TCF4: variants seen among roughly 807,000 people sequenced by gnomAD.
The protein encoded by TCF4 is transcription factor 4.
Under a neutral mutation model 82.1 loss-of-function variants are expected in TCF4, and 3 were observed. That is an observed-to-expected ratio of 0.04 (90% CI 0.02 to 0.09). The LOEUF (loss-of-function observed/expected upper bound fraction) is 0.09, where lower values mean the gene tolerates loss of function less well. Among genes scored for constraint, TCF4 ranks in the 10% least tolerant of loss-of-function variants. The probability of loss-of-function intolerance (pLI) is 1.00; values close to 1 mark genes in which losing one functional copy is unlikely to be tolerated. For missense variants in TCF4, 518 were observed against 852.7 expected (o/e 0.61, Z 4.89); for synonymous variants, 276 against 309.6 (o/e 0.89, Z 1.14).
intron 3 of TCF4, among the ~76,000 whole-genome samples, chr18:55,498,746 G>A (rs923869520): frequency 3.3e-5 from 5 of 152,178 alleles, no homozygotes; most frequent in Admixed American, 6.5e-5. Flanking sequence ...TGTTGTAAGA[G>A]TGTCTTTGCT....
intron 8 of TCF4, among the ~76,000 whole-genome samples, chr18:55,300,615 AG>A (rs2067948979): frequency 6.6e-6 from 1 of 152,162 alleles, no homozygotes; most frequent in Non-Finnish European, 1.5e-5. Flanking sequence ...TCTTTCTCAC[AG>A]GACAAACATG....
intron 3 of TCF4, among the ~76,000 whole-genome samples, chr18:55,578,662 G>T (rs145300021): frequency 1.2e-3 from 176 of 152,132 alleles, no homozygotes; most frequent in African/African-American, 4.2e-3. Context: ...ATTTTTAGAG[G>T]CAATGTCAGC....
chr18:55,345,778 G>A (rs2081055663), intron 8 of TCF4, among the ~76,000 whole-genome samples: 1 of 151,974 alleles, frequency 6.6e-6, no homozygotes, highest in East Asian at 1.9e-4. Context: ...ACTTGTGATC[G>A]ATATCATATT....
At chr18:55,588,532 G>A (rs2097674736), upstream of TCF4, 9 of 1,532,266 alleles carry the variant, frequency 5.9e-6, no homozygotes, top group Non-Finnish European at 7.0e-6. Context: ...TTTGCCCGTT[G>A]CATCCCTCGG....
intron 2 of TCF4, among the ~76,000 whole-genome samples, chr18:55,611,810 C>A (rs1420946050): frequency 2.0e-5 from 3 of 151,764 alleles, no homozygotes; most frequent in Admixed American, 6.6e-5. Context: ...GCTCTGTTAC[C>A]CAGGCTGGAG....
At chr18:55,465,416 T>G (rs1434026625) in intron 3 of TCF4, among the ~76,000 whole-genome samples, 3 of 151,780 alleles carry the variant, frequency 2.0e-5, no homozygotes, top group Non-Finnish European at 4.4e-5. Context: ...AATTAACTTC[T>G]CTTTTTTTTT....
chr18:55,353,992 T>TCC lies in TCF4; in HGVS notation c.370-2991_370-2990dup, dbSNP rs1340286345. ...GCTCATGTTCTGCGGTTATGCTGGG[T>TCC]CCCAGTAGTAGGCTGCCCGAATCTG... is the stretch of plus-strand genomic sequence containing the variant. On this transcript the variant is annotated intron_variant, in intron 6 of 19. Transcript: ENST00000354452. Among the ~76,000 whole-genome samples the TCC allele has an allele frequency of 6.6e-5, 10 of 152,288 alleles. No individual in the cohort carries two copies. The East Asian group carries it at 1.9e-3, about 29-fold the overall frequency.
At chr18:55,518,517 C>T (rs910234867) in intron 3 of TCF4, among the ~76,000 whole-genome samples, 2 of 152,016 alleles carry the variant, frequency 1.3e-5, no homozygotes, top group East Asian at 1.9e-4. Flanking sequence ...TATTGGAAAA[C>T]ATATTCTGTA....
At chr18:55,525,822 T>C (rs569090780) in intron 3 of TCF4, among the ~76,000 whole-genome samples, 14 of 152,086 alleles carry the variant, frequency 9.2e-5, no homozygotes, top group African/African-American at 3.4e-4. Context: ...TGGATATCCA[T>C]GTGGGCTTCT....
At chr18:55,233,955 T>G in intron 16 of TCF4, among the ~76,000 whole-genome samples, 1 of 151,834 alleles carries the variant, frequency 6.6e-6, no homozygotes. Context: ...CCTGTGGCAA[T>G]GTTATCATTT....
intron 2 of TCF4, among the ~76,000 whole-genome samples, chr18:55,624,035 T>C (rs1016023544): frequency 6.6e-6 from 1 of 152,168 alleles, no homozygotes; most frequent in Non-Finnish European, 1.5e-5. Flanking sequence ...CATTTCTTAT[T>C]TTTATTAGAA....
intron 11 of TCF4, chr18:55,269,624 C>A (rs1229716626): frequency 4.6e-6 from 3 of 655,184 alleles, no homozygotes. Flanking sequence ...TAGAACGTAG[C>A]TAAATTTCAG....
chr18:55,277,415 T>C (rs980729931), intron 9 of TCF4, among the ~76,000 whole-genome samples: 6 of 152,194 alleles, frequency 3.9e-5, no homozygotes, highest in Non-Finnish European at 7.4e-5. Context: ...GCAATGCGTT[T>C]AGGACTGTTA....
At chr18:55,412,479 G>A (rs1040595045) in intron 5 of TCF4, among the ~76,000 whole-genome samples, 9 of 151,912 alleles carry the variant, frequency 5.9e-5, no homozygotes, top group African/African-American at 1.7e-4. Context: ...CCACTGGCCC[G>A]CTGCTCTGAA....
intron 3 of TCF4, among the ~76,000 whole-genome samples, chr18:55,494,707 C>CA (rs372569523): frequency 4.7e-4 from 71 of 152,204 alleles, no homozygotes; most frequent in African/African-American, 1.7e-3. Flanking sequence ...AACATTAAAA[C>CA]AACCCAGAGA....
At chr18:55,257,182 G>A (rs753810163) in intron 14 of TCF4, 133 bp downstream of exon 14, 36 of 919,412 alleles carry the variant, frequency 3.9e-5, no homozygotes, top group Non-Finnish European at 5.4e-5. Flanking sequence ...TCTGGCTCCC[G>A]CAAACCTGTG....
intron 6 of TCF4, among the ~76,000 whole-genome samples, chr18:55,369,441 A>C (rs900692886): frequency 1.3e-5 from 2 of 152,234 alleles, no homozygotes; most frequent in Admixed American, 1.3e-4. Flanking sequence ...TTTGAGGACA[A>C]GGCTACAAAT....
At position 55,224,023 on chromosome 18, in the gene TCF4, G is replaced by A. The variant is rs954512191; in HGVS notation, c.*4012C>T. On this transcript the variant is annotated 3_prime_UTR_variant, in exon 20 of 20. Coordinates refer to ENST00000354452, the MANE Select transcript of TCF4 (RefSeq NM_001083962.2). ...AAAGGATTGCTCCTGCGAAAAATAA[G>A]CCAAATATATTTTTTATTTTTAAAT... The A allele has an allele frequency of 1.3e-5, 2 of 150,328 alleles. No individual in the cohort carries two copies. The highest frequency in any genetic ancestry group is 3.0e-5 in the Non-Finnish European group (2 of 67,650). The allele number at this position is 150,328 out of a possible 1,614,324, so 9.3% of individuals were successfully genotyped here.
intron 15 of TCF4, among the ~76,000 whole-genome samples, chr18:55,248,700 T>G (rs1160357682): frequency 6.6e-6 from 1 of 152,122 alleles, no homozygotes; most frequent in Non-Finnish European, 1.5e-5. Context: ...GGCTGAGCAG[T>G]GTAGGATATA....
Sources: gnomAD v4.1 joint callset for allele counts (sites outside exome capture counted in the v4.1 genomes callset) on GRCh38, gnomAD v4.1.1 for gene constraint, MANE v1.5 for transcripts, NCBI Gene and HGNC (gene_info 2026-07-23, HGNC 2026-07-21) for gene names.